Variants in PTPN4 observed in about 807,000 individuals in gnomAD.
PTPN4 encodes the protein protein tyrosine phosphatase non-receptor type 4.
PTPN4 carries 49 observed loss-of-function variants against 135.5 expected under a neutral mutation model. The ratio of observed to expected loss-of-function variants is 0.36; its 90% CI spans 0.29 to 0.46. The LOEUF is 0.46. Among genes scored for constraint, PTPN4 ranks in the 20% least tolerant of loss-of-function variants. PTPN4 has a pLI of 1.00. For synonymous variants in PTPN4, 333 were observed against 369.9 expected (o/e 0.90, Z 1.14); for missense variants, 860 against 1,101.0 (o/e 0.78, Z 3.10).
chr2:119,875,236 G>C (rs545265224), intron 3 of PTPN4, among the ~76,000 whole-genome samples: 35 of 152,264 alleles, frequency 2.3e-4, no homozygotes, highest in African/African-American at 7.0e-4. Flanking sequence ...TTATAGCACT[G>C]TTCCATCTTC....
intron 19 of PTPN4, among the ~76,000 whole-genome samples, chr2:119,953,919 T>C (rs1390561275): frequency 6.6e-6 from 1 of 152,214 alleles, no homozygotes; most frequent in African/African-American, 2.4e-5. Context: ...CTTTATAGTA[T>C]GAGAGGAACC....
intron 9 of PTPN4, among the ~76,000 whole-genome samples, chr2:119,898,274 C>G (rs533927579): frequency 2.0e-5 from 3 of 152,210 alleles, no homozygotes; most frequent in African/African-American, 4.8e-5. Flanking sequence ...GTAAGCTAGA[C>G]TTTGGTTTGG....
chr2:119,920,366 T>C (rs1032137066), intron 12 of PTPN4, 125 bp downstream of exon 12: 13 of 1,071,842 alleles, frequency 1.2e-5, no homozygotes, highest in Non-Finnish European at 1.7e-5. Context: ...AAAATCCCTA[T>C]GGATTGCAGC....
intron 26 of PTPN4, among the ~76,000 whole-genome samples, chr2:119,974,357 G>A (rs1010677866): frequency 3.9e-5 from 6 of 152,044 alleles, no homozygotes; most frequent in Non-Finnish European, 5.9e-5. Context: ...GATTGCAGGC[G>A]CCCGCCACCA....
chr2:119,876,380 A>G (rs1370376131), intron 3 of PTPN4, among the ~76,000 whole-genome samples: 1 of 152,200 alleles, frequency 6.6e-6, no homozygotes, highest in Non-Finnish European at 1.5e-5. Flanking sequence ...TAAATTCTAG[A>G]TACAGTTTGC....
intron 1 of PTPN4, among the ~76,000 whole-genome samples, chr2:119,794,358 C>T (rs950521373): frequency 6.6e-6 from 1 of 152,290 alleles, no homozygotes. Context: ...GTACTTGGCT[C>T]CCGCTACCAG....
chr2:119,901,431 T>C (rs1558759178), intron 10 of PTPN4, among the ~76,000 whole-genome samples: 1 of 152,138 alleles, frequency 6.6e-6, no homozygotes, highest in Non-Finnish European at 1.5e-5. Context: ...AAAACAAAGA[T>C]AGAGAAAATT....
rs374480234 is a variant in PTPN4, at chr2:119,905,966, A to C, written c.764+5160A>C. Reference sequence around the variant, plus strand: ...GTGAGATACAGCAATAGCATTGCTAAGAGAGCTATTTATAGCAATAAATGC... The same window carrying C: ...GTGAGATACAGCAATAGCATTGCTACGAGAGCTATTTATAGCAATAAATGC... On this transcript the variant is annotated intron_variant, in intron 10 of 26. Coordinates refer to ENST00000263708, the MANE Select transcript of PTPN4 (RefSeq NM_002830.4). Among the ~76,000 whole-genome samples the C allele has an allele frequency of 5.9e-5, 9 of 152,318 alleles. No individual in the cohort carries two copies. In the South Asian group the frequency reaches 6.2e-4, roughly 11 times the overall value.
In PTPN4 at chr2:119,952,139, C is replaced by G; in HGVS notation, c.1813+10C>G. The G allele has an allele frequency of 6.2e-7, 1 of 1,600,924 alleles. No homozygotes were observed. Among genetic ancestry groups the G allele is most frequent in the African/African-American group, 1.3e-5 (1 of 74,622 alleles). On this transcript the variant is annotated intron_variant, in intron 19 of 26. Transcript: ENST00000263708. Reference sequence around the variant, plus strand: ...CTAGTTCGACCTAATGGTGAGTACTCTATGTAGTACCAGATAATTTATAGT... The same window carrying G: ...CTAGTTCGACCTAATGGTGAGTACTGTATGTAGTACCAGATAATTTATAGT...
At chr2:119,822,160 T>G (rs1221424666) in intron 2 of PTPN4, among the ~76,000 whole-genome samples, 1 of 152,172 alleles carries the variant, frequency 6.6e-6, no homozygotes. Flanking sequence ...GTTCCCTACA[T>G]GGATCTTCAA....
At chr2:119,957,126 C>T in intron 22 of PTPN4, 49 bp downstream of exon 22, 1 of 1,512,066 alleles carries the variant, frequency 6.6e-7, no homozygotes, top group Non-Finnish European at 9.0e-7. Flanking sequence ...ATACGAGCCA[C>T]TATGAACTTT....
intron 9 of PTPN4, among the ~76,000 whole-genome samples, chr2:119,896,117 A>G (rs1203707858): frequency 6.6e-6 from 1 of 152,188 alleles, no homozygotes; most frequent in Admixed American, 6.5e-5. Context: ...TGTAAGGCAA[A>G]CATCCTTGTA....
intron 9 of PTPN4, among the ~76,000 whole-genome samples, chr2:119,896,557 G>T (rs1431288148): frequency 1.3e-5 from 2 of 152,060 alleles, no homozygotes; most frequent in African/African-American, 4.8e-5. Context: ...ATAATGCCTG[G>T]GTTTTGCTCT....
Position 119,945,143 on chromosome 2 carries a change from A to G in PTPN4, c.1418A>G (p.Asn473Ser), listed in dbSNP as rs1199959520. The change falls in exon 16 of 27, where the codon AAC becomes AGC. Residue 473 changes from asparagine (N) to serine (S), a missense_variant. Physicochemically the swap from Asn to Ser is conservative, Grantham distance 46. Transcript: ENST00000263708. ...PALPPKQSKK[N>S]SWNQIHYSHS... ...TTACCACCCAAACAGTCAAAGAAAA[A>G]CAGTTGGAACCAAATTCATTATTCA... 1 of 1,605,396 alleles carries G rather than the reference A, an allele frequency of 6.2e-7. No homozygotes were observed. The highest frequency in any genetic ancestry group is 8.5e-7 in the Non-Finnish European group (1 of 1,176,622).
chr2:119,914,967 C>G (rs1276914184), intron 10 of PTPN4, among the ~76,000 whole-genome samples: 1 of 152,018 alleles, frequency 6.6e-6, no homozygotes, highest in Non-Finnish European at 1.5e-5. Flanking sequence ...TTAAGTATTT[C>G]TGTAGATACA....
intron 2 of PTPN4, among the ~76,000 whole-genome samples, chr2:119,852,665 A>G (rs1677610269): frequency 6.6e-6 from 1 of 151,536 alleles, no homozygotes; most frequent in Admixed American, 6.6e-5. Context: ...TCTTTCCTGT[A>G]TTCCCTAATT....
chr2:119,795,031 G>A (rs1396317154), intron 1 of PTPN4, among the ~76,000 whole-genome samples: 1 of 152,124 alleles, frequency 6.6e-6, no homozygotes, highest in Non-Finnish European at 1.5e-5. Flanking sequence ...GGAGAGGGTA[G>A]TTCTTCTTGG....
intron 15 of PTPN4, among the ~76,000 whole-genome samples, chr2:119,939,619 A>C (rs570058167): frequency 7.9e-5 from 12 of 152,142 alleles, no homozygotes; most frequent in Non-Finnish European, 1.2e-4. Flanking sequence ...TCAAGTGTTA[A>C]ATCCAGTTCC....
chr2:119,823,253 GA>G (rs1677096703), intron 2 of PTPN4, among the ~76,000 whole-genome samples: 1 of 144,484 alleles, frequency 6.9e-6, no homozygotes, highest in African/African-American at 2.6e-5. Context: ...TTTTTTTTTG[GA>G]GACGCAGTCT....
Sources: gnomAD v4.1 joint callset for allele counts (sites outside exome capture counted in the v4.1 genomes callset) on GRCh38, gnomAD v4.1.1 for gene constraint, MANE v1.5 for transcripts, NCBI Gene and HGNC (gene_info 2026-07-23, HGNC 2026-07-21) for gene names.